The following DOCK4 variants were observed in gnomAD, a reference collection of about 807,000 sequenced individuals.
The protein encoded by DOCK4 is dedicator of cytokinesis protein 4.
A neutral mutation model predicts 268.1 loss-of-function variants in DOCK4; 97 were observed. The ratio of observed to expected loss-of-function variants is 0.36; its 90% confidence interval spans 0.31 to 0.43. The LOEUF is 0.43. Among genes scored for constraint, DOCK4 ranks in the 20% least tolerant of loss-of-function variants. The pLI, the probability that DOCK4 is intolerant of heterozygous loss-of-function variation, is 1.00. For synonymous variants in DOCK4, 954 were observed against 887.2 expected (o/e 1.08, Z -1.34); for missense variants, 2,145 against 2,455.7 (o/e 0.87, Z 2.67).
chr7:111,801,138 C>T (rs1800247760), intron 30 of DOCK4, among the ~76,000 whole-genome samples: 3 of 152,150 alleles, frequency 2.0e-5, no homozygotes, highest in Non-Finnish European at 4.4e-5. Context: ...CTCCGGATAA[C>T]ACCATGTGTT....
chr7:111,907,336 C>T (rs144862484), intron 13 of DOCK4, among the ~76,000 whole-genome samples: 171 of 152,260 alleles, frequency 1.1e-3, no homozygotes, highest in African/African-American at 4.0e-3. Flanking sequence ...ATGCAACACC[C>T]ACAATGGGCT....
intron 1 of DOCK4, among the ~76,000 whole-genome samples, chr7:112,166,392 C>T (rs1233895929): frequency 2.0e-5 from 3 of 152,122 alleles, no homozygotes; most frequent in East Asian, 1.9e-4. Context: ...ATCTATGCCA[C>T]GAGCATATCC....
intron 16 of DOCK4, among the ~76,000 whole-genome samples, chr7:111,893,073 T>C (rs940265161): frequency 6.6e-6 from 1 of 152,178 alleles, no homozygotes; most frequent in Non-Finnish European, 1.5e-5. Flanking sequence ...TTTCCCTTTA[T>C]GGATTAGGAT....
intron 24 of DOCK4, among the ~76,000 whole-genome samples, chr7:111,846,648 T>C (rs557084048): frequency 1.3e-5 from 2 of 151,942 alleles, no homozygotes; most frequent in South Asian, 4.1e-4. Context: ...TTTCACAGAA[T>C]GGATCAAAAA....
intron 1 of DOCK4, 42 bp from the exon 2 acceptor site, chr7:112,004,173 A>C: frequency 7.0e-7 from 1 of 1,418,708 alleles, no homozygotes; most frequent in Non-Finnish European, 9.7e-7. Context: ...AATCATGTCC[A>C]TTACAGCTTA....
chr7:112,002,617 T>G (rs1225132213), intron 2 of DOCK4, among the ~76,000 whole-genome samples: 2 of 152,194 alleles, frequency 1.3e-5, no homozygotes, highest in African/African-American at 2.4e-5. Context: ...GGAATACAGT[T>G]TCATCTATAA....
intron 5 of DOCK4, among the ~76,000 whole-genome samples, chr7:111,989,569 T>C (rs771006827): frequency 1.3e-5 from 2 of 152,210 alleles, no homozygotes; most frequent in African/African-American, 2.4e-5. Context: ...CTAAAGCTGA[T>C]GAAATGGAAG....
At chr7:111,867,915 C>A in intron 22 of DOCK4, 69 bp downstream of exon 22, 1 of 1,326,498 alleles carries the variant, frequency 7.5e-7, no homozygotes, top group Non-Finnish European at 9.9e-7. Context: ...TTTGATTACG[C>A]TGCTGTGTAA....
chr7:111,972,559 C>T (rs1050234877), intron 8 of DOCK4, among the ~76,000 whole-genome samples: 3 of 152,056 alleles, frequency 2.0e-5, no homozygotes, highest in Non-Finnish European at 2.9e-5. Context: ...TTTCCTAATC[C>T]GTCCTCTACA....
chr7:111,735,159 G>A lies in DOCK4; in HGVS notation c.5314C>T (p.Pro1772Ser), dbSNP rs1418364242. The change falls in exon 51 of 53, where the codon CCC (proline) becomes TCC (serine). Residue 1772 changes from proline (P) to serine (S), a missense_variant. This residue lies in a region of DOCK4 where 547 missense variants were observed against 469.0 expected (regional missense o/e 1.17). Transcript: ENST00000428084. ...NLSAPEKAVNPTPSSWSLDSG... is the reference protein window; with the variant it reads ...NLSAPEKAVNSTPSSWSLDSG... ...TCCAGGCTCCAGCTGCTAGGGGTGG[G>A]GTTCACAGCTGGAAGGGAATAACAC... is the stretch of plus-strand genomic sequence containing the variant. The A allele has an allele frequency of 1.9e-6, 3 of 1,584,884 alleles. No homozygotes were observed. The highest frequency in any genetic ancestry group is 1.2e-5 in the South Asian group (1 of 86,288).
chr7:112,167,922 T>A (rs989250995), intron 1 of DOCK4, among the ~76,000 whole-genome samples: 3 of 152,152 alleles, frequency 2.0e-5, no homozygotes, highest in African/African-American at 7.2e-5. Context: ...TAAATAACAA[T>A]TGTCTACAAC....
intron 8 of DOCK4, among the ~76,000 whole-genome samples, chr7:111,954,062 T>A (rs1269624459): frequency 2.6e-5 from 4 of 152,244 alleles, no homozygotes; most frequent in Non-Finnish European, 4.4e-5. Flanking sequence ...CATTTATGTA[T>A]GAAATATACA....
chr7:112,063,922 T>G (rs1233045883), intron 1 of DOCK4, among the ~76,000 whole-genome samples: 1 of 152,212 alleles, frequency 6.6e-6, no homozygotes, highest in Non-Finnish European at 1.5e-5. Flanking sequence ...TTTCTATTTC[T>G]TTTTTAAAGG....
At chr7:111,814,613 T>C (rs1801403514) in intron 27 of DOCK4, among the ~76,000 whole-genome samples, 2 of 152,232 alleles carry the variant, frequency 1.3e-5, no homozygotes, top group Non-Finnish European at 2.9e-5. Context: ...ATGCTAATGC[T>C]GTTGGTTTGC....
At position 111,728,750 on chromosome 7, in the gene DOCK4, GAC is replaced by G. The variant is rs775324045; in HGVS notation, c.5482-32_5482-31del. 3.8e-6 allele frequency: 6 copies of G among 1,572,900 alleles called. No homozygotes were observed. The East Asian group carries it at 1.4e-4, about 36-fold the overall frequency. ...TCCGGGGAGAAGGAAACGAGAGGGA[GAC>G]ACAGCATTGAGTCGTGAACGCAGAT... On this transcript the variant is annotated intron_variant, in intron 52 of 52. Transcript: ENST00000428084.
chr7:111,863,582 A>C lies in DOCK4; in HGVS notation c.2281-18T>G, dbSNP rs1224497116. 4 of 1,575,802 alleles carry C rather than the reference A, an allele frequency of 2.5e-6. No homozygotes were observed. The highest frequency in any genetic ancestry group is 3.5e-6 in the Non-Finnish European group (4 of 1,158,840). ...AACACAGCCTTAAAAAGAAGAAGAC[A>C]TTTAAATCAACTCCCAGATACGCCA... On this transcript the variant is annotated intron_variant, in intron 22 of 52. Transcript: ENST00000428084.
rs1586866650 is a variant in DOCK4 at position 112,122,249 on chromosome 7, T to C, written c.37+83853A>G. On this transcript the variant is annotated intron_variant, in intron 1 of 52. Coordinates refer to ENST00000428084, the MANE Select transcript of DOCK4 (RefSeq NM_001363540.2). ...GTACAGTTCAGTAGTGTTAAGTATA[T>C]TCATATTGTTGTAAAAGAGATCTCC... 2.0e-5 allele frequency among the ~76,000 whole-genome samples: 3 copies of C among 152,236 alleles called. No individual in the cohort carries two copies. In the South Asian group the frequency reaches 6.2e-4, roughly 32 times the overall value.
chr7:111,732,678 G>T (rs926968214), intron 51 of DOCK4, among the ~76,000 whole-genome samples: 1 of 152,166 alleles, frequency 6.6e-6, no homozygotes, highest in Non-Finnish European at 1.5e-5. Context: ...GTTGACTTTG[G>T]CGTGAGCACC....
At chr7:111,940,370 G>A in intron 10 of DOCK4, 128 bp from the exon 11 acceptor site, 1 of 1,233,724 alleles carries the variant, frequency 8.1e-7, no homozygotes, top group Non-Finnish European at 1.2e-6. Flanking sequence ...CCCAGGTTGG[G>A]CGTAACAGAA....
Sources: allele counts gnomAD v4.1 joint callset (sites outside exome capture counted in the v4.1 genomes callset), GRCh38; gene constraint gnomAD v4.1.1; regional missense constraint gnomAD v4.1.1; transcripts MANE v1.5; gene names NCBI Gene and HGNC (gene_info 2026-07-23, HGNC 2026-07-21).